PSD4: variants seen among roughly 807,000 people sequenced by gnomAD.
PSD4 encodes the protein pleckstrin and Sec7 domain containing 4.
In PSD4, 59 loss-of-function variants were observed where a neutral mutation model predicts 112.5. That is an observed-to-expected ratio of 0.52 (90% CI 0.43 to 0.65). The LOEUF (loss-of-function observed/expected upper bound fraction) is 0.65, where lower values mean the gene tolerates loss of function less well. Ranked by LOEUF, PSD4 falls within the 30% of genes least tolerant of loss-of-function variation. PSD4 has a pLI of 0.00. For missense variants in PSD4, 1,267 were observed against 1,352.6 expected, an observed-to-expected ratio of 0.94 and a Z score of 0.99; for synonymous variants, 533 against 540.0, an observed-to-expected ratio of 0.99 and a Z score of 0.18.
chr2:113,184,382 T>C (rs1055700111), intron 2 of PSD4, among the ~76,000 whole-genome samples: 3 of 149,280 alleles, frequency 2.0e-5, no homozygotes, highest in South Asian at 2.1e-4. Flanking sequence ...ACTTTCTTTT[T>C]TTTTTTTTTT....
rs1352404968 is a variant in PSD4, at chr2:113,205,321, G to A, written c.*3906G>A. ...TGCCAAGCTCAGGGCTTGGAGGACA[G>A]CCTAGGGATTTTGTTTTAAGAAGAT... On this transcript the variant is annotated 3_prime_UTR_variant, in exon 17 of 17. Transcript: ENST00000245796. 2 of 152,200 alleles carry A rather than the reference G, an allele frequency of 1.3e-5. No individual in the cohort carries two copies. Among genetic ancestry groups the A allele is most frequent in the Non-Finnish European group, 2.9e-5 (2 of 68,080 alleles). The allele number at this position is 152,200 out of a possible 1,614,324, so 9.4% of individuals were successfully genotyped here.
intron 10 of PSD4, 41 bp downstream of exon 10, chr2:113,193,989 C>CT (rs757448652): frequency 6.3e-7 from 1 of 1,582,822 alleles, no homozygotes; most frequent in Admixed American, 1.8e-5. Context: ...CATGTAGGAC[C>CT]TGGAGCCTTG....
chr2:113,184,118 A>C (rs1400193735), intron 2 of PSD4, among the ~76,000 whole-genome samples: 1 of 152,260 alleles, frequency 6.6e-6, no homozygotes, highest in African/African-American at 2.4e-5. Context: ...TAGGGAGCAC[A>C]GTTTTCCCAG....
chr2:113,190,143 C>T (rs912900116), intron 5 of PSD4, among the ~76,000 whole-genome samples: 1 of 152,126 alleles, frequency 6.6e-6, no homozygotes. Context: ...TTTTATAGTT[C>T]CTGGTCTTAG....
Position 113,198,748 on chromosome 2 carries a change from A to C in PSD4, c.2633A>C (p.Lys878Thr). ...GACCTCCTTTGCCCCAGCACTGCCA[A>C]GGAGATGAGCTCCTGGATCGCGCGC... The part of the protein sequence containing the change: ...RLYLFQAPTA[K>T]EMSSWIARIN... The change falls in exon 15 of 17, where the codon AAG (lysine) becomes ACG (threonine). Residue 878 changes from lysine (K) to threonine (T), a missense_variant. This residue lies in a region of PSD4 where 544 missense variants were observed against 648.6 expected (regional missense o/e 0.84). Transcript: ENST00000245796. The C allele has an allele frequency of 6.4e-7, 1 of 1,562,022 alleles. No individual in the cohort carries two copies. Among genetic ancestry groups the C allele is most frequent in the Non-Finnish European group, 8.7e-7 (1 of 1,154,666 alleles).
chr2:113,187,288 G>A (rs1372121890), intron 5 of PSD4, among the ~76,000 whole-genome samples: 2 of 152,248 alleles, frequency 1.3e-5, no homozygotes, highest in African/African-American at 4.8e-5. Flanking sequence ...TTTCTCCAAT[G>A]CAAGGCACGT....
Position 113,183,262 on chromosome 2 carries a change from G to A in PSD4, c.806G>A (p.Gly269Glu), listed in dbSNP as rs4849167. 1.2e-6 allele frequency: 2 copies of A among 1,613,890 alleles called. No homozygotes were observed. Among genetic ancestry groups the A allele is most frequent in the South Asian group, 2.2e-5 (2 of 91,078 alleles). Residue 269 changes from glycine (G) to glutamate (E), a missense_variant, in exon 2 of 17, where the codon GGG (glycine) becomes GAG (glutamate). Physicochemically the swap from Gly to Glu is moderately conservative, Grantham distance 98. This residue lies in a region of PSD4 where 723 missense variants were observed against 704.0 expected (regional missense o/e 1.03). Coordinates refer to ENST00000245796, the MANE Select transcript of PSD4 (RefSeq NM_012455.3). ...GCTTCTGGAGAGTGCTTTTCCTGGG[G>A]GGCTTCAGACTCCCATGCAGGTGTG... Reference protein sequence around the residue: ...NSASGECFSWGASDSHAGVRT... With the variant: ...NSASGECFSWEASDSHAGVRT...
Position 113,206,989 on chromosome 2 carries a change from T to C in PSD4, c.*5574T>C, listed in dbSNP as rs1177064174. 2 of 152,176 alleles carry C rather than the reference T, an allele frequency of 1.3e-5. No homozygotes were observed. The highest frequency in any genetic ancestry group is 4.8e-5 in the African/African-American group (2 of 41,426). 9.4% of individuals were successfully genotyped at this position (152,176 alleles called of 1,614,324 possible). A position where few individuals can be genotyped will look rare whatever the true frequency, so the allele number is the denominator to read the frequency against. Reference sequence around the variant, plus strand: ...TCACTCTGATTCAAGGCCCCTTTTCTCTCTTGTTCTTTTGGGGGCTCCATC... The same window carrying C: ...TCACTCTGATTCAAGGCCCCTTTTCCCTCTTGTTCTTTTGGGGGCTCCATC... On this transcript the variant is annotated 3_prime_UTR_variant, in exon 17 of 17. Coordinates refer to ENST00000245796, the MANE Select transcript of PSD4 (RefSeq NM_012455.3).
intron 5 of PSD4, among the ~76,000 whole-genome samples, chr2:113,190,676 A>G (rs905766892): frequency 6.6e-6 from 1 of 152,156 alleles, no homozygotes; most frequent in African/African-American, 2.4e-5. Flanking sequence ...GCTGGTCTCC[A>G]ACTCTTGAGC....
chr2:113,195,473 T>C (rs1425115469), intron 10 of PSD4, among the ~76,000 whole-genome samples: 1 of 151,492 alleles, frequency 6.6e-6, no homozygotes, highest in Non-Finnish European at 1.5e-5. Context: ...GTCATCTTTA[T>C]GTCTCTAGCA....
At chr2:113,195,073 G>A in intron 10 of PSD4, among the ~76,000 whole-genome samples, 1 of 152,188 alleles carries the variant, frequency 6.6e-6, no homozygotes, top group East Asian at 1.9e-4. Context: ...CCAGTAGAAT[G>A]CCATGTAGGT....
intron 12 of PSD4, chr2:113,197,317 T>G: frequency 1.8e-6 from 1 of 563,368 alleles, no homozygotes; most frequent in Non-Finnish European, 3.2e-6. Flanking sequence ...TGAATATCTA[T>G]ATTTGGATGT....
chr2:113,186,712 G>A (rs1688309680), intron 5 of PSD4, among the ~76,000 whole-genome samples: 1 of 152,186 alleles, frequency 6.6e-6, no homozygotes, highest in South Asian at 2.1e-4. Context: ...CCTGGGCCTG[G>A]GGCACTGGCT....
chr2:113,178,304 T>TG (rs1228932017), intron 1 of PSD4, among the ~76,000 whole-genome samples: 1 of 152,058 alleles, frequency 6.6e-6, no homozygotes, highest in East Asian at 1.9e-4. Context: ...TCCATTGCCT[T>TG]GGGCTCCCCT....
Position 113,193,874 on chromosome 2 carries a change from A to G in PSD4, c.2107A>G (p.Met703Val). 1 of 1,614,116 alleles carries G rather than the reference A, an allele frequency of 6.2e-7. No homozygotes were observed. The highest frequency in any genetic ancestry group is 8.5e-7 in the Non-Finnish European group (1 of 1,179,982). The change falls in exon 10 of 17, where the codon ATG (methionine) becomes GTG (valine). Residue 703 changes from methionine (M) to valine (V), a missense_variant. Transcript: ENST00000245796. The stretch of plus-strand genomic sequence containing the variant: ...GTGGCTACAGAACATTGGGAAGAGC[A>G]TGAGCTGCCAGGAATTCATAACCAA... Reference protein sequence around the residue: ...DLHGQNIGKSMSCQEFITNLN... With the variant: ...DLHGQNIGKSVSCQEFITNLN...
chr2:113,182,103 G>A (rs1204081335), intron 1 of PSD4, among the ~76,000 whole-genome samples: 2 of 152,238 alleles, frequency 1.3e-5, no homozygotes, highest in African/African-American at 4.8e-5. Context: ...AGCCACATGG[G>A]CTACCTTCAG....
intron 1 of PSD4, among the ~76,000 whole-genome samples, chr2:113,181,763 G>A (rs1193911420): frequency 1.3e-5 from 2 of 152,200 alleles, no homozygotes; most frequent in African/African-American, 4.8e-5. Context: ...AGCTTACAAG[G>A]ACAAAGAAGC....
chr2:113,186,228 C>T lies in PSD4; in HGVS notation c.1601C>T (p.Pro534Leu). 2 of 1,598,980 alleles carry T rather than the reference C, an allele frequency of 1.3e-6. No homozygotes were observed. Among genetic ancestry groups the T allele is most frequent in the Non-Finnish European group, 1.7e-6 (2 of 1,171,048 alleles). ...CCTGCAGAGACTGGAGACGTCCAGC[C>T]TGACATTCACCTGACTTCTGCAGAA... is the stretch of plus-strand genomic sequence containing the variant. ...ARPAETGDVQ[P>L]DIHLTSAEHE... The change falls in exon 5 of 17, where the codon CCT becomes CTT. Residue 534 changes from proline to leucine, a missense_variant. Physicochemically the swap from Pro to Leu is moderately conservative, Grantham distance 98. Transcript: ENST00000245796.
Position 113,201,494 on chromosome 2 carries a change from A to C in PSD4, c.*79A>C. The C allele has an allele frequency of 5.8e-6, 9 of 1,548,738 alleles. No individual in the cohort carries two copies. The highest frequency in any genetic ancestry group is 7.9e-6 in the Non-Finnish European group (9 of 1,141,566). On this transcript the variant is annotated 3_prime_UTR_variant, in exon 17 of 17. Transcript: ENST00000245796. Reference sequence around the variant, plus strand: ...AACCTCCCTGGAGGAGACTTATTTCAATGAGTCCACCATGACGGATGAGGC... The same window carrying C: ...AACCTCCCTGGAGGAGACTTATTTCCATGAGTCCACCATGACGGATGAGGC...
Sources: allele counts gnomAD v4.1 joint callset (sites outside exome capture counted in the v4.1 genomes callset), GRCh38; gene constraint gnomAD v4.1.1; regional missense constraint gnomAD v4.1.1; transcripts MANE v1.5; gene names NCBI Gene and HGNC (gene_info 2026-07-23, HGNC 2026-07-21).